The following MIURF variants were observed in gnomAD, a reference collection of about 807,000 sequenced individuals.
chr22:39,504,288 G>T, the MIURF span: 1 of 399,072 alleles, frequency 2.5e-6, no homozygotes, highest in African/African-American at 2.1e-5. Context: ...GTTGCGCCAG[G>T]GCCGACAGCT....
the MIURF span, chr22:39,504,282 C>T: frequency 2.5e-5 from 10 of 398,984 alleles, no homozygotes; most frequent in African/African-American, 1.0e-4. Context: ...GGCTCTGTTG[C>T]GCCAGGGCCG....
chr22:39,504,312 C>T, the MIURF span: 7 of 398,940 alleles, frequency 1.8e-5, no homozygotes, highest in Non-Finnish European at 2.7e-5. Context: ...CTACACTGAT[C>T]GAGACTTCTA....
chr22:39,504,370 A>T, the MIURF span: 1 of 398,820 alleles, frequency 2.5e-6, no homozygotes, highest in Non-Finnish European at 4.4e-6. Flanking sequence ...AAGCTAGAGG[A>T]CGCTGAGGCC....
the MIURF span, chr22:39,504,339 C>T: frequency 1.3e-3 from 517 of 399,032 alleles, 2 homozygotes; most frequent in African/African-American, 9.4e-3. Flanking sequence ...CTCCATCCGC[C>T]GTGAATTCCG....
the MIURF span, chr22:39,504,421 G>C: frequency 2.5e-6 from 1 of 399,064 alleles, no homozygotes; most frequent in Non-Finnish European, 4.4e-6. Context: ...TTTCTCAACG[G>C]CAAATTGGGG....
the MIURF span, chr22:39,504,292 G>A: frequency 1.0e-5 from 4 of 399,064 alleles, no homozygotes; most frequent in South Asian, 1.3e-4. Flanking sequence ...CGCCAGGGCC[G>A]ACAGCTTCGC....
the MIURF span, chr22:39,504,337 G>A: frequency 3.5e-5 from 14 of 399,012 alleles, no homozygotes; most frequent in Middle Eastern, 6.3e-4. Context: ...GCCTCCATCC[G>A]CCGTGAATTC....
At chr22:39,504,435 A>T in the MIURF span, 3 of 398,832 alleles carry the variant, frequency 7.5e-6, no homozygotes, top group African/African-American at 6.2e-5. Flanking sequence ...ATTGGGGAGG[A>T]TCATTTAGGA....
the MIURF span, chr22:39,504,307 C>G: frequency 2.5e-6 from 1 of 399,112 alleles, no homozygotes; most frequent in East Asian, 3.6e-5. Flanking sequence ...CTTCGCTACA[C>G]TGATCGAGAC....
At chr22:39,504,384 G>A in the MIURF span, 2 of 398,926 alleles carry the variant, frequency 5.0e-6, no homozygotes, top group Non-Finnish European at 8.8e-6. Flanking sequence ...TGAGGCCCGG[G>A]AGAGGCAGCT....
the MIURF span, chr22:39,504,382 G>A: frequency 1.0e-5 from 4 of 399,058 alleles, no homozygotes; most frequent in African/African-American, 4.1e-5. Context: ...GCTGAGGCCC[G>A]GGAGAGGCAG....
chr22:39,504,381 C>T, the MIURF span: 12 of 398,842 alleles, frequency 3.0e-5, no homozygotes, highest in Admixed American at 1.8e-4. Flanking sequence ...CGCTGAGGCC[C>T]GGGAGAGGCA....
the MIURF span, chr22:39,504,260 G>C: frequency 2.5e-6 from 1 of 399,232 alleles, no homozygotes. Context: ...AGGCGGTGCT[G>C]AGTCTCTATC....
At chr22:39,504,442 A>G in the MIURF span, 14 of 398,974 alleles carry the variant, frequency 3.5e-5, no homozygotes, top group Non-Finnish European at 5.8e-5. Context: ...AGGATCATTT[A>G]GGATCCTCCA....
At chr22:39,504,253 C>T in the MIURF span, 8 of 399,114 alleles carry the variant, frequency 2.0e-5, no homozygotes, top group East Asian at 2.5e-4. Flanking sequence ...AGCCGAGAGG[C>T]GGTGCTGAGT....
At chr22:39,504,348 C>T in the MIURF span, 5 of 398,892 alleles carry the variant, frequency 1.3e-5, no homozygotes, top group Non-Finnish European at 2.2e-5. Context: ...CCGTGAATTC[C>T]GAAAAAATCA....
the MIURF span, chr22:39,504,349 G>A: frequency 5.0e-6 from 2 of 398,878 alleles, no homozygotes; most frequent in Non-Finnish European, 8.8e-6. Context: ...CGTGAATTCC[G>A]AAAAAATCAG....
At chr22:39,504,364 T>C in the MIURF span, 1 of 398,956 alleles carries the variant, frequency 2.5e-6, no homozygotes, top group African/African-American at 2.1e-5. Flanking sequence ...AATCAGAAGC[T>C]AGAGGACGCT....
At chr22:39,504,349 G>GA in the MIURF span, 2 of 398,878 alleles carry the variant, frequency 5.0e-6, no homozygotes, top group Non-Finnish European at 8.8e-6. Context: ...CGTGAATTCC[G>GA]AAAAAATCAG....
Sources: allele counts gnomAD v4.1 joint callset, GRCh38; gene constraint gnomAD v4.1.1; transcripts MANE v1.5.